Variants in KCNH8 observed in about 807,000 individuals in gnomAD.
The protein encoded by KCNH8 is potassium voltage-gated channel subfamily H member 8, also known as voltage-gated delayed rectifier potassium channel KCNH8.
KCNH8 carries 70 observed loss-of-function variants against 103.6 expected under a neutral mutation model. The ratio of observed to expected loss-of-function variants is 0.68; its 90% CI spans 0.56 to 0.82. The LOEUF (loss-of-function observed/expected upper bound fraction) is 0.82, where lower values mean the gene tolerates loss of function less well. Among genes scored for constraint, KCNH8 ranks in the 40% least tolerant of loss-of-function variants. The probability of loss-of-function intolerance (pLI) is 0.00; values close to 1 mark genes in which losing one functional copy is unlikely to be tolerated. For missense variants in KCNH8, 1,217 were observed against 1,329.9 expected (o/e 0.92, Z 1.32); for synonymous variants, 498 against 489.4 (o/e 1.02, Z -0.23).
intron 1 of KCNH8, among the ~76,000 whole-genome samples, chr3:19,154,731 T>C (rs114775551): frequency 6.2e-4 from 95 of 152,320 alleles, no homozygotes; most frequent in African/African-American, 2.2e-3. Flanking sequence ...TCCAGGGCGG[T>C]TTACCCCTGT....
intron 15 of KCNH8, among the ~76,000 whole-genome samples, chr3:19,527,979 A>C (rs1373014862): frequency 6.6e-6 from 1 of 151,970 alleles, no homozygotes; most frequent in African/African-American, 2.4e-5. Flanking sequence ...AGAGATAGAG[A>C]AATCTTGGAT....
chr3:19,328,629 T>C (rs1238704497), intron 3 of KCNH8, among the ~76,000 whole-genome samples: 1 of 152,020 alleles, frequency 6.6e-6, no homozygotes, highest in East Asian at 1.9e-4. Context: ...TGGAAAAAAA[T>C]ATATAAATAG....
chr3:19,152,377 C>T (rs2063139292), intron 1 of KCNH8, among the ~76,000 whole-genome samples: 1 of 152,076 alleles, frequency 6.6e-6, no homozygotes, highest in Non-Finnish European at 1.5e-5. Flanking sequence ...AGATACAAAG[C>T]TTTCAGAGGG....
At chr3:19,309,980 G>A (rs1340186380) in intron 3 of KCNH8, among the ~76,000 whole-genome samples, 1 of 151,874 alleles carries the variant, frequency 6.6e-6, no homozygotes, top group East Asian at 1.9e-4. Context: ...CAGGTTTTTG[G>A]ATCTTGTACA....
chr3:19,354,072 C>A (rs1176041918), intron 5 of KCNH8, among the ~76,000 whole-genome samples: 1 of 152,188 alleles, frequency 6.6e-6, no homozygotes, highest in Admixed American at 6.5e-5. Context: ...AAATCACAAG[C>A]ATTCCTATAC....
chr3:19,416,159 A>G (rs140257083), intron 7 of KCNH8, among the ~76,000 whole-genome samples: 537 of 152,196 alleles, frequency 3.5e-3, no homozygotes, highest in Non-Finnish European at 5.9e-3. Context: ...ATTGGTCACC[A>G]CAGAATTTGG....
chr3:19,306,093 A>G (rs868504015), intron 3 of KCNH8, among the ~76,000 whole-genome samples: 3 of 152,080 alleles, frequency 2.0e-5, no homozygotes, highest in Admixed American at 6.6e-5. Context: ...CTGGTTTTCT[A>G]TGAACTATTG....
intron 11 of KCNH8, among the ~76,000 whole-genome samples, chr3:19,500,115 C>CA (rs889065990): frequency 6.6e-5 from 10 of 151,750 alleles, no homozygotes; most frequent in South Asian, 2.1e-4. Flanking sequence ...AAATGGAAAA[C>CA]AAAAAAAGGC....
intron 6 of KCNH8, among the ~76,000 whole-genome samples, chr3:19,394,848 GA>G (rs958651526): frequency 8.6e-5 from 13 of 151,562 alleles, no homozygotes; most frequent in African/African-American, 2.2e-4. Flanking sequence ...GACAGGAAGT[GA>G]AAAAAAGATA....
intron 1 of KCNH8, among the ~76,000 whole-genome samples, chr3:19,164,232 C>T (rs1266312683): frequency 6.6e-6 from 1 of 152,128 alleles, no homozygotes; most frequent in African/African-American, 2.4e-5. Flanking sequence ...AGCCAGAGAA[C>T]CCTAAAGAGG....
At chr3:19,519,599 T>G (rs754136985) in intron 15 of KCNH8, among the ~76,000 whole-genome samples, 4 of 150,350 alleles carry the variant, frequency 2.7e-5, no homozygotes, top group Non-Finnish European at 5.9e-5. Context: ...TTGAAAATAC[T>G]TAAATCACAA....
intron 11 of KCNH8, among the ~76,000 whole-genome samples, chr3:19,490,730 G>T (rs1294982181): frequency 6.6e-6 from 1 of 152,106 alleles, no homozygotes; most frequent in Non-Finnish European, 1.5e-5. Flanking sequence ...TCATCTCCCT[G>T]GGCAATAGTG....
At position 19,501,544 on chromosome 3, in the gene KCNH8, C is replaced by T. The variant is rs542166746; in HGVS notation, c.2041-8819C>T. ...AATCCTCAATAAAATACTGGCAAAC[C>T]GAATCCAGCAGCACATCAAAAACGT... On this transcript the variant is annotated intron_variant, in intron 11 of 15. Coordinates refer to ENST00000328405, the MANE Select transcript of KCNH8 (RefSeq NM_144633.3). 1.4e-4 allele frequency among the ~76,000 whole-genome samples: 21 copies of T among 152,230 alleles called. No homozygotes were observed. The East Asian group carries it at 1.9e-3, about 14-fold the overall frequency.
intron 1 of KCNH8, among the ~76,000 whole-genome samples, chr3:19,169,761 C>T (rs12629112): frequency 6.6e-6 from 1 of 152,130 alleles, no homozygotes; most frequent in Non-Finnish European, 1.5e-5. Context: ...CAAAGATAAC[C>T]TAGCACGTAA....
chr3:19,283,760 A>T (rs977605488), intron 3 of KCNH8, among the ~76,000 whole-genome samples: 9 of 151,542 alleles, frequency 5.9e-5, no homozygotes, highest in Non-Finnish European at 1.2e-4. Flanking sequence ...TACCAAAAAA[A>T]ATATAATAAT....
chr3:19,529,762 A>G (rs184817068), intron 15 of KCNH8, among the ~76,000 whole-genome samples: 1 of 152,256 alleles, frequency 6.6e-6, no homozygotes, highest in East Asian at 1.9e-4. Flanking sequence ...GTAAAAAGAG[A>G]GATCCCTTAC....
intron 5 of KCNH8, among the ~76,000 whole-genome samples, chr3:19,348,353 C>T (rs989529405): frequency 6.6e-6 from 1 of 151,756 alleles, no homozygotes; most frequent in African/African-American, 2.4e-5. Flanking sequence ...TGTTCTTTCT[C>T]CATGCCCTTC....
intron 2 of KCNH8, among the ~76,000 whole-genome samples, chr3:19,274,883 C>T (rs1575487588): frequency 1.1e-5 from 1 of 94,820 alleles, no homozygotes. Flanking sequence ...CCCCACCCCT[C>T]CCCTCCCCTT....
intron 1 of KCNH8, among the ~76,000 whole-genome samples, chr3:19,158,793 A>G (rs912564995): frequency 6.6e-6 from 1 of 151,874 alleles, no homozygotes; most frequent in Non-Finnish European, 1.5e-5. Context: ...TATCCTTTGT[A>G]ATAATTCTGG....
Sources: allele counts gnomAD v4.1 joint callset (sites outside exome capture counted in the v4.1 genomes callset), GRCh38; gene constraint gnomAD v4.1.1; transcripts MANE v1.5; gene names NCBI Gene and HGNC (gene_info 2026-07-23, HGNC 2026-07-21).